IFT25: variants seen among roughly 807,000 people sequenced by gnomAD.
IFT25 encodes intraflagellar transport protein 25 homolog.
At chr1:53,926,722 A>G in the IFT25 span, among the ~76,000 whole-genome samples, 1 of 143,362 alleles carries the variant, frequency 7.0e-6, no homozygotes, top group Non-Finnish European at 1.5e-5. Context: ...CACATTCTAG[A>G]TTTTTTTTTT....
At chr1:53,913,127 T>G in the IFT25 span, among the ~76,000 whole-genome samples, 1 of 152,234 alleles carries the variant, frequency 6.6e-6, no homozygotes, top group Non-Finnish European at 1.5e-5. Context: ...TGTGAAATTA[T>G]GTCCTTCACC....
At chr1:53,919,284 T>G in the IFT25 span, among the ~76,000 whole-genome samples, 1 of 152,186 alleles carries the variant, frequency 6.6e-6, no homozygotes, top group African/African-American at 2.4e-5. Context: ...GCACTGTATT[T>G]AGAGATAGCA....
At chr1:53,914,511 G>T in the IFT25 span, among the ~76,000 whole-genome samples, 129 of 151,966 alleles carry the variant, frequency 8.5e-4, no homozygotes, top group African/African-American at 3.0e-3. Context: ...ATTATAAAAT[G>T]ATGTTTGTAT....
chr1:53,919,796 CT>C, the IFT25 span, among the ~76,000 whole-genome samples: 85 of 145,418 alleles, frequency 5.8e-4, no homozygotes, highest in Non-Finnish European at 6.2e-4. Context: ...AACTTTTTTC[CT>C]TTTTTTTTTT....
chr1:53,929,847 T>C, the IFT25 span: 1 of 917,110 alleles, frequency 1.1e-6, no homozygotes, highest in Non-Finnish European at 1.5e-6. Flanking sequence ...GGCATTTACC[T>C]CATAATCCCC....
At chr1:53,936,090 T>C in the IFT25 span, among the ~76,000 whole-genome samples, 4 of 150,352 alleles carry the variant, frequency 2.7e-5, no homozygotes, top group Non-Finnish European at 5.9e-5. Context: ...TGAAACCCTG[T>C]CTCTTAAAAA....
the IFT25 span, among the ~76,000 whole-genome samples, chr1:53,922,241 G>A: frequency 5.3e-5 from 8 of 152,098 alleles, no homozygotes; most frequent in South Asian, 2.1e-4. Context: ...CTAAAAATAC[G>A]AAATTAGCTG....
chr1:53,943,510 C>T, the IFT25 span, among the ~76,000 whole-genome samples: 21 of 152,036 alleles, frequency 1.4e-4, no homozygotes, highest in East Asian at 1.3e-3. Context: ...CCATCATATA[C>T]GGGACAGCAC....
the IFT25 span, among the ~76,000 whole-genome samples, chr1:53,943,020 G>A: frequency 6.6e-6 from 1 of 152,020 alleles, no homozygotes; most frequent in Non-Finnish European, 1.5e-5. Context: ...AAATAGAAAT[G>A]CGACTATAAT....
At chr1:53,914,887 T>TA in the IFT25 span, among the ~76,000 whole-genome samples, 1 of 152,242 alleles carries the variant, frequency 6.6e-6, no homozygotes, top group Non-Finnish European at 1.5e-5. Flanking sequence ...AAATGAGTGA[T>TA]AAACACAATT....
the IFT25 span, among the ~76,000 whole-genome samples, chr1:53,942,781 T>C: frequency 6.6e-6 from 1 of 152,200 alleles, no homozygotes; most frequent in Non-Finnish European, 1.5e-5. Context: ...ACAACCTAAG[T>C]GACTAAGACT....
chr1:53,917,514 T>C, the IFT25 span, among the ~76,000 whole-genome samples: 1 of 152,008 alleles, frequency 6.6e-6, no homozygotes, highest in African/African-American at 2.4e-5. Flanking sequence ...ACAAGAAAAT[T>C]TCCTCAATTA....
chr1:53,914,855 T>C, the IFT25 span, among the ~76,000 whole-genome samples: 3 of 152,158 alleles, frequency 2.0e-5, no homozygotes, highest in Admixed American at 6.5e-5. Flanking sequence ...AAATGCAATA[T>C]GCTATAAAAA....
At chr1:53,913,146 G>A in the IFT25 span, among the ~76,000 whole-genome samples, 24 of 152,292 alleles carry the variant, frequency 1.6e-4, no homozygotes, top group African/African-American at 5.5e-4. Context: ...CCTGAGTGTG[G>A]CCCACAGCCA....
chr1:53,938,427 T>C, the IFT25 span, among the ~76,000 whole-genome samples: 1 of 152,186 alleles, frequency 6.6e-6, no homozygotes. Context: ...CAAATGTTAT[T>C]GGAGCCCAGC....
At chr1:53,931,441 T>C in the IFT25 span, among the ~76,000 whole-genome samples, 5 of 152,250 alleles carry the variant, frequency 3.3e-5, no homozygotes, top group East Asian at 9.6e-4. Flanking sequence ...CAGGATAATG[T>C]TGTTCTCATA....
chr1:53,926,264 G>A, the IFT25 span, among the ~76,000 whole-genome samples: 10 of 151,960 alleles, frequency 6.6e-5, no homozygotes, highest in Non-Finnish European at 1.3e-4. Flanking sequence ...TCCTTCCTCA[G>A]CCTCCCAAGC....
the IFT25 span, chr1:53,923,781 G>A: frequency 1.5e-6 from 1 of 666,010 alleles, no homozygotes. Context: ...TTCTCTACCG[G>A]TTGATTTAGG....
the IFT25 span, among the ~76,000 whole-genome samples, chr1:53,935,907 T>A: frequency 6.6e-6 from 1 of 152,200 alleles, no homozygotes; most frequent in African/African-American, 2.4e-5. Context: ...TGTTTTTCTT[T>A]GGATGCTTTC....
Sources: gnomAD v4.1 joint callset for allele counts (sites outside exome capture counted in the v4.1 genomes callset) on GRCh38, gnomAD v4.1.1 for gene constraint, MANE v1.5 for transcripts, NCBI Gene and HGNC (gene_info 2026-07-23, HGNC 2026-07-21) for gene names.